GRAMD1B: variants seen among roughly 807,000 people sequenced by gnomAD.
GRAMD1B encodes the protein protein Aster-B.
GRAMD1B carries 37 observed loss-of-function variants against 99.7 expected under a neutral mutation model. The observed-to-expected ratio is 0.37, with a 90% CI of 0.29 to 0.49. The LOEUF (loss-of-function observed/expected upper bound fraction) is 0.49, where lower values mean the gene tolerates loss of function less well. Among genes scored for constraint, GRAMD1B ranks in the 20% least tolerant of loss-of-function variants. GRAMD1B has a pLI of 0.98. For synonymous variants in GRAMD1B, 427 were observed against 387.6 expected, an observed-to-expected ratio of 1.10 and a Z score of -1.19; for missense variants, 888 against 1,009.2, an observed-to-expected ratio of 0.88 and a Z score of 1.63.
At chr11:123,543,192 C>T (rs925561371) in intron 2 of GRAMD1B, among the ~76,000 whole-genome samples, 3 of 152,184 alleles carry the variant, frequency 2.0e-5, no homozygotes, top group Non-Finnish European at 4.4e-5. Context: ...TCTGAGAGAA[C>T]GCCAACCATA....
At chr11:123,479,926 A>G (rs1951496114) in intron 1 of GRAMD1B, among the ~76,000 whole-genome samples, 1 of 152,074 alleles carries the variant, frequency 6.6e-6, no homozygotes, top group Non-Finnish European at 1.5e-5. Flanking sequence ...CCCTTAGCTC[A>G]CGGGGCTGAG....
intron 1 of GRAMD1B, among the ~76,000 whole-genome samples, chr11:123,409,635 C>T (rs569464897): frequency 1.3e-5 from 2 of 152,288 alleles, no homozygotes; most frequent in Middle Eastern, 3.4e-3. Context: ...TACCACAGCA[C>T]AGCCTAATTA....
intron 4 of GRAMD1B, among the ~76,000 whole-genome samples, chr11:123,586,227 C>T (rs1200899081): frequency 2.0e-5 from 3 of 152,150 alleles, no homozygotes; most frequent in Non-Finnish European, 4.4e-5. Flanking sequence ...AGCGGAGGAG[C>T]TGGGCGTGAC....
intron 11 of GRAMD1B, among the ~76,000 whole-genome samples, chr11:123,607,255 G>A (rs1479288930): frequency 6.6e-6 from 1 of 152,200 alleles, no homozygotes; most frequent in African/African-American, 2.4e-5. Context: ...GGTCAAATAG[G>A]GTTTGGAGAC....
intron 2 of GRAMD1B, among the ~76,000 whole-genome samples, chr11:123,493,886 C>T (rs1938908428): frequency 6.6e-6 from 1 of 152,184 alleles, no homozygotes; most frequent in African/African-American, 2.4e-5. Flanking sequence ...CTGCTCTCAG[C>T]TCAGATTCCT....
intron 19 of GRAMD1B, among the ~76,000 whole-genome samples, chr11:123,620,580 T>C (rs1955002249): frequency 6.6e-6 from 1 of 152,098 alleles, no homozygotes; most frequent in African/African-American, 2.4e-5. Flanking sequence ...CATTTTTTAT[T>C]TTAAACCAAA....
At chr11:123,588,272 A>C (rs1030985887) in intron 4 of GRAMD1B, among the ~76,000 whole-genome samples, 11 of 151,834 alleles carry the variant, frequency 7.2e-5, no homozygotes, top group East Asian at 3.9e-4. Flanking sequence ...ACTTGGTCCC[A>C]GCTCCTGGTG....
intron 1 of GRAMD1B, chr11:123,435,397 T>C: frequency 2.9e-6 from 2 of 699,968 alleles, no homozygotes; most frequent in South Asian, 1.5e-5. Context: ...CATTATTTGT[T>C]TGTTTGTTTG....
At chr11:123,385,033 G>A (rs868130704) in intron 1 of GRAMD1B, among the ~76,000 whole-genome samples, 5 of 152,254 alleles carry the variant, frequency 3.3e-5, no homozygotes, top group East Asian at 3.9e-4. Flanking sequence ...GAAAACTGTC[G>A]CATGATTAAC....
intron 1 of GRAMD1B, among the ~76,000 whole-genome samples, chr11:123,369,716 A>C (rs772601744): frequency 1.3e-5 from 2 of 151,062 alleles, no homozygotes; most frequent in Non-Finnish European, 3.0e-5. Flanking sequence ...TACTAAAAAT[A>C]CAAAAATTAG....
At chr11:123,577,280 G>A in intron 2 of GRAMD1B, 87 bp from the exon 3 acceptor site, 1 of 1,151,882 alleles carries the variant, frequency 8.7e-7, no homozygotes, top group Non-Finnish European at 1.3e-6. Flanking sequence ...GCTCCTTTGG[G>A]CTTGTCCTTG....
chr11:123,617,356 A>T (rs1189895916), intron 17 of GRAMD1B, among the ~76,000 whole-genome samples: 2 of 151,440 alleles, frequency 1.3e-5, no homozygotes, highest in Non-Finnish European at 2.9e-5. Context: ...ACTAATTTTT[A>T]AAAATATTTT....
chr11:123,521,963 CT>C (rs200753879), intron 2 of GRAMD1B, among the ~76,000 whole-genome samples: 2 of 151,580 alleles, frequency 1.3e-5, no homozygotes, highest in East Asian at 1.9e-4. Flanking sequence ...AAAATAATTT[CT>C]TTTTTTTTCC....
intron 1 of GRAMD1B, among the ~76,000 whole-genome samples, chr11:123,389,132 C>CCCA (rs1490675659): frequency 5.9e-5 from 9 of 152,122 alleles, no homozygotes; most frequent in African/African-American, 2.2e-4. Context: ...CACCTGTAAT[C>CCCA]CCAGCACTTT....
chr11:123,547,424 A>ACTCCCT (rs1296034217), intron 2 of GRAMD1B, among the ~76,000 whole-genome samples: 5 of 152,172 alleles, frequency 3.3e-5, no homozygotes, highest in Non-Finnish European at 7.3e-5. Context: ...GGGAGTCTGG[A>ACTCCCT]CTGAGATGAG....
At chr11:123,583,265 G>A (rs188716943) in intron 3 of GRAMD1B, among the ~76,000 whole-genome samples, 15 of 150,060 alleles carry the variant, frequency 1.0e-4, no homozygotes, top group South Asian at 4.3e-4. Context: ...GTGCACATGC[G>A]CATGTGTGTG....
intron 2 of GRAMD1B, among the ~76,000 whole-genome samples, chr11:123,577,051 A>G (rs1210297977): frequency 6.6e-6 from 1 of 152,234 alleles, no homozygotes; most frequent in Non-Finnish European, 1.5e-5. Flanking sequence ...TGCCCCAGAC[A>G]ATTTTTGGCA....
intron 2 of GRAMD1B, among the ~76,000 whole-genome samples, chr11:123,570,438 T>TG (rs1188610718): frequency 1.5e-4 from 22 of 149,898 alleles, no homozygotes; most frequent in African/African-American, 5.4e-4. Context: ...TTTTTTTTTT[T>TG]TTTGAGATGG....
At chr11:123,482,607 G>C (rs1951675155) in intron 2 of GRAMD1B, among the ~76,000 whole-genome samples, 1 of 152,156 alleles carries the variant, frequency 6.6e-6, no homozygotes, top group Non-Finnish European at 1.5e-5. Flanking sequence ...ATTCATTCAT[G>C]GGAGCATGGT....
Sources: gnomAD v4.1 joint callset for allele counts (sites outside exome capture counted in the v4.1 genomes callset) on GRCh38, gnomAD v4.1.1 for gene constraint, MANE v1.5 for transcripts, NCBI Gene and HGNC (gene_info 2026-07-23, HGNC 2026-07-21) for gene names.